DPP10: variants seen among roughly 807,000 people sequenced by gnomAD.
DPP10 encodes the protein dipeptidyl peptidase like 10.
DPP10 carries 33 observed loss-of-function variants against 120.9 expected under a neutral mutation model. The ratio of observed to expected loss-of-function variants is 0.27; its 90% CI spans 0.21 to 0.37. DPP10 has a LOEUF of 0.37. Among genes scored for constraint, DPP10 ranks in the 10% least tolerant of loss-of-function variants. The probability of loss-of-function intolerance (pLI) is 1.00; values close to 1 mark genes in which losing one functional copy is unlikely to be tolerated. For synonymous variants in DPP10, 337 were observed against 326.1 expected, an observed-to-expected ratio of 1.03 and a Z score of -0.36; for missense variants, 816 against 942.8, an observed-to-expected ratio of 0.87 and a Z score of 1.76.
At chr2:115,171,724 AAAAAC>A (rs1482193955) in intron 1 of DPP10, among the ~76,000 whole-genome samples, 1 of 151,858 alleles carries the variant, frequency 6.6e-6, no homozygotes, top group Non-Finnish European at 1.5e-5. Flanking sequence ...CTTAAAAAAA[AAAAAC>A]AAAAAAAAAA....
chr2:114,900,223 A>G (rs1693441426), intron 1 of DPP10, among the ~76,000 whole-genome samples: 1 of 152,258 alleles, frequency 6.6e-6, no homozygotes, highest in Admixed American at 6.5e-5. Context: ...AAAACAAGGT[A>G]AAATAGTAAA....
chr2:115,765,643 A>C (rs534788858), intron 12 of DPP10, among the ~76,000 whole-genome samples: 1 of 152,280 alleles, frequency 6.6e-6, no homozygotes, highest in South Asian at 2.1e-4. Flanking sequence ...CATGAGAATA[A>C]GTAAAAAATG....
chr2:114,978,785 A>T (rs1558947668), intron 1 of DPP10, among the ~76,000 whole-genome samples: 1 of 152,168 alleles, frequency 6.6e-6, no homozygotes, highest in Non-Finnish European at 1.5e-5. Flanking sequence ...ACATTGGTAG[A>T]TAATTTTATA....
At chr2:114,616,629 G>A (rs1377772888) in intron 1 of DPP10, among the ~76,000 whole-genome samples, 1 of 151,932 alleles carries the variant, frequency 6.6e-6, no homozygotes, top group Non-Finnish European at 1.5e-5. Flanking sequence ...ACATTATCAC[G>A]GTTAAGGAAA....
At chr2:114,566,213 A>G (rs1689189949) in intron 1 of DPP10, among the ~76,000 whole-genome samples, 1 of 152,196 alleles carries the variant, frequency 6.6e-6, no homozygotes, top group Non-Finnish European at 1.5e-5. Context: ...TGCCACTGTC[A>G]GGAAGAACAT....
At chr2:115,489,504 C>T (rs1584402) in intron 3 of DPP10, among the ~76,000 whole-genome samples, 147,176 of 151,882 alleles carry the variant, frequency 0.97, 71,480 homozygotes, top group East Asian at 1. Flanking sequence ...ATAGAGATCA[C>T]AAGAATAACA....
At chr2:115,148,064 C>CT (rs1055105493) in intron 1 of DPP10, among the ~76,000 whole-genome samples, 1 of 152,126 alleles carries the variant, frequency 6.6e-6, no homozygotes, top group African/African-American at 2.4e-5. Context: ...AAATTGCAGA[C>CT]TGAGTACTAC....
At chr2:115,421,562 C>T (rs987359534) in intron 3 of DPP10, among the ~76,000 whole-genome samples, 3 of 151,894 alleles carry the variant, frequency 2.0e-5, no homozygotes, top group Admixed American at 6.6e-5. Flanking sequence ...AATATAAATT[C>T]GTAATATTTT....
intron 1 of DPP10, among the ~76,000 whole-genome samples, chr2:114,572,687 G>C (rs1689749030): frequency 6.6e-6 from 1 of 152,184 alleles, no homozygotes; most frequent in Non-Finnish European, 1.5e-5. Flanking sequence ...AGGGGAAGGA[G>C]GAGGAAAAAC....
intron 1 of DPP10, among the ~76,000 whole-genome samples, chr2:114,792,505 T>C (rs1006817065): frequency 2.0e-5 from 3 of 152,226 alleles, no homozygotes; most frequent in African/African-American, 7.2e-5. Flanking sequence ...GTCGGATATC[T>C]TCAAGCCTGC....
chr2:115,671,246 A>G (rs1362932201), intron 5 of DPP10, among the ~76,000 whole-genome samples: 2 of 152,014 alleles, frequency 1.3e-5, no homozygotes, highest in Non-Finnish European at 2.9e-5. Flanking sequence ...ATATACATTT[A>G]ATATTTGAGT....
At chr2:114,521,558 A>G (rs892430196) in intron 1 of DPP10, among the ~76,000 whole-genome samples, 2 of 152,148 alleles carry the variant, frequency 1.3e-5, no homozygotes, top group African/African-American at 4.8e-5. Flanking sequence ...AGAGAAAAAT[A>G]TAACACAGGA....
At chr2:114,922,081 A>G (rs1164612289) in intron 1 of DPP10, among the ~76,000 whole-genome samples, 3 of 152,240 alleles carry the variant, frequency 2.0e-5, no homozygotes, top group Non-Finnish European at 4.4e-5. Flanking sequence ...GAGCAGTTAT[A>G]TTGAGATATA....
rs757014124 is a variant in DPP10 at position 115,526,883 on chromosome 2, AAGAC to A, written c.441+915_441+918del. Among the ~76,000 whole-genome samples the A allele has an allele frequency of 7.9e-5, 12 of 152,206 alleles. No individual in the cohort carries two copies. In the East Asian group the frequency reaches 2.3e-3, roughly 29 times the overall value. ...TTGACTTAAGTAATTTATGCTGTAAAAGACAGAGGGATTTTAGTCAAAGGCCTCT... is the reference window on the plus strand; with the variant it reads ...TTGACTTAAGTAATTTATGCTGTAAAAGAGGGATTTTAGTCAAAGGCCTCT... On this transcript the variant is annotated intron_variant, in intron 5 of 25. Transcript: ENST00000410059.
intron 1 of DPP10, among the ~76,000 whole-genome samples, chr2:114,935,153 T>TC (rs1696362717): frequency 6.6e-6 from 1 of 152,118 alleles, no homozygotes; most frequent in Non-Finnish European, 1.5e-5. Flanking sequence ...CCATTTTCAT[T>TC]CCTCTACATT....
At chr2:115,144,382 G>C (rs1256471242) in intron 1 of DPP10, 1 of 152,056 alleles carries the variant, frequency 6.6e-6, no homozygotes, top group African/African-American at 2.4e-5. Flanking sequence ...TTAGGATTCA[G>C]AACAAGAAGT....
At chr2:115,212,715 T>C (rs2056596541) in intron 1 of DPP10, among the ~76,000 whole-genome samples, 1 of 152,198 alleles carries the variant, frequency 6.6e-6, no homozygotes, top group Non-Finnish European at 1.5e-5. Context: ...CACAAATAGA[T>C]AAAATATTAC....
chr2:114,842,330 G>C (rs1456522941), intron 1 of DPP10, among the ~76,000 whole-genome samples: 1 of 152,148 alleles, frequency 6.6e-6, no homozygotes, highest in Non-Finnish European at 1.5e-5. Context: ...TGGTTTTCTG[G>C]AGGACTGTAG....
chr2:114,469,557 G>A (rs1419945382), intron 1 of DPP10, among the ~76,000 whole-genome samples: 1 of 151,892 alleles, frequency 6.6e-6, no homozygotes, highest in Non-Finnish European at 1.5e-5. Context: ...GCAAAACCCC[G>A]TGTCTACTAA....
Sources: gnomAD v4.1 joint callset for allele counts (sites outside exome capture counted in the v4.1 genomes callset) on GRCh38, gnomAD v4.1.1 for gene constraint, MANE v1.5 for transcripts, NCBI Gene and HGNC (gene_info 2026-07-23, HGNC 2026-07-21) for gene names.